The following TTLL5 variants were observed in gnomAD, a reference collection of about 807,000 sequenced individuals.
TTLL5 encodes the protein tubulin polyglutamylase TTLL5.
A neutral mutation model predicts 168.4 loss-of-function variants in TTLL5; 132 were observed. The ratio of observed to expected loss-of-function variants is 0.78; its 90% CI spans 0.68 to 0.91. TTLL5 has a LOEUF of 0.91. Ranked by LOEUF, TTLL5 falls within the 40% of genes least tolerant of loss-of-function variation. The probability of loss-of-function intolerance (pLI) is 0.00; values close to 1 mark genes in which losing one functional copy is unlikely to be tolerated. For missense variants in TTLL5, 1,545 were observed against 1,581.5 expected (o/e 0.98, Z 0.39); for synonymous variants, 546 against 558.6 (o/e 0.98, Z 0.32).
intron 15 of TTLL5, among the ~76,000 whole-genome samples, chr14:75,740,087 G>A (rs1187874325): frequency 6.6e-6 from 1 of 152,118 alleles, no homozygotes; most frequent in Non-Finnish European, 1.5e-5. Context: ...GTTTGTTGAT[G>A]TGTTATATTC....
chr14:75,690,072 A>T, intron 5 of TTLL5, 120 bp from the exon 6 acceptor site: 1 of 1,071,018 alleles, frequency 9.3e-7, no homozygotes, highest in Admixed American at 2.7e-5. Flanking sequence ...TATGTTTAGG[A>T]TACAATACTA....
At chr14:75,727,316 A>G (rs1038421778) in intron 12 of TTLL5, among the ~76,000 whole-genome samples, 1 of 152,234 alleles carries the variant, frequency 6.6e-6, no homozygotes, top group Non-Finnish European at 1.5e-5. Flanking sequence ...GAATGGGTAA[A>G]TAAATTGTGG....
At chr14:75,913,588 TAAG>T (rs960947288) in intron 31 of TTLL5, among the ~76,000 whole-genome samples, 1 of 152,018 alleles carries the variant, frequency 6.6e-6, no homozygotes, top group Admixed American at 6.6e-5. Context: ...CAAAAAATAA[TAAG>T]GTGACAAATA....
chr14:75,734,192 A>G (rs1888739813), intron 14 of TTLL5, 142 bp downstream of exon 14: 1 of 749,096 alleles, frequency 1.3e-6, no homozygotes, highest in Non-Finnish European at 2.2e-6. Flanking sequence ...TTTCAGGGAA[A>G]TGTTTATATG....
intron 31 of TTLL5, among the ~76,000 whole-genome samples, chr14:75,933,392 G>A (rs2034337787): frequency 1.3e-5 from 2 of 152,220 alleles, no homozygotes; most frequent in South Asian, 2.1e-4. Flanking sequence ...GAACCCTGGA[G>A]GTCAAGGCCG....
intron 9 of TTLL5, among the ~76,000 whole-genome samples, chr14:75,708,351 T>C (rs956645500): frequency 2.0e-5 from 3 of 151,978 alleles, no homozygotes; most frequent in African/African-American, 7.3e-5. Flanking sequence ...GTTCTCTTTT[T>C]GTTAAGGTGC....
intron 30 of TTLL5, among the ~76,000 whole-genome samples, chr14:75,894,703 C>CT (rs1341070959): frequency 5.3e-5 from 8 of 152,160 alleles, no homozygotes; most frequent in Non-Finnish European, 1.2e-4. Context: ...TTTTTAAAAA[C>CT]TTAAGTTATT....
intron 28 of TTLL5, among the ~76,000 whole-genome samples, chr14:75,829,584 CAGAA>C (rs1008606427): frequency 2.1e-5 from 3 of 144,450 alleles, no homozygotes; most frequent in African/African-American, 5.2e-5. Context: ...TCATGTAACA[CAGAA>C]AGCGAGTGAT....
intron 26 of TTLL5, 35 bp from the exon 27 acceptor site, chr14:75,792,881 C>T: frequency 2.7e-6 from 4 of 1,498,508 alleles, no homozygotes; most frequent in Admixed American, 2.0e-5. Flanking sequence ...GCCTTTTTTT[C>T]CTAAATGAGT....
At chr14:75,815,655 A>G (rs948231180) in intron 27 of TTLL5, among the ~76,000 whole-genome samples, 3 of 152,228 alleles carry the variant, frequency 2.0e-5, no homozygotes, top group Non-Finnish European at 2.9e-5. Flanking sequence ...CAATCTCTGT[A>G]TAATCACTGT....
intron 18 of TTLL5, among the ~76,000 whole-genome samples, chr14:75,754,897 A>G (rs991693083): frequency 6.6e-6 from 1 of 152,140 alleles, no homozygotes; most frequent in South Asian, 2.1e-4. Context: ...AAGTTTGTAT[A>G]TTGCCTGCAT....
chr14:75,721,334 A>G (rs1179543086), intron 12 of TTLL5, among the ~76,000 whole-genome samples: 3 of 152,298 alleles, frequency 2.0e-5, no homozygotes, highest in East Asian at 3.9e-4. Context: ...GAGGGTGCCT[A>G]TGGACATTGC....
intron 23 of TTLL5, among the ~76,000 whole-genome samples, chr14:75,777,190 A>C (rs752325345): frequency 6.6e-6 from 1 of 152,198 alleles, no homozygotes; most frequent in Non-Finnish European, 1.5e-5. Context: ...AGTTATCAAA[A>C]CATTACTGCT....
intron 1 of TTLL5, among the ~76,000 whole-genome samples, chr14:75,661,868 G>T (rs1890751370): frequency 3.4e-5 from 5 of 147,812 alleles, no homozygotes; most frequent in Admixed American, 3.4e-4. Context: ...ATCGGGGTCT[G>T]TTTTTTTTTT....
At position 75,954,616 on chromosome 14, in the gene TTLL5, A is replaced by C. The variant is rs183534458; in HGVS notation, c.*170A>C. ...TAGATGGTTGCCAATCAGCCAATGCAGACTTTCACTGGGACAACAAGAAAG... is the reference window on the plus strand; with the variant it reads ...TAGATGGTTGCCAATCAGCCAATGCCGACTTTCACTGGGACAACAAGAAAG... On this transcript the variant is annotated 3_prime_UTR_variant, in exon 32 of 32. Transcript: ENST00000298832. The C allele has an allele frequency of 1.5e-6, 1 of 662,550 alleles. No homozygotes were observed. The highest frequency in any genetic ancestry group is 2.7e-5 in the East Asian group (1 of 37,616). The allele number at this position is 662,550 out of a possible 1,614,324, so 41.0% of individuals were successfully genotyped here.
At position 75,670,275 on chromosome 14, in the gene TTLL5, T is replaced by A. The variant is rs146573981; in HGVS notation, c.181+753T>A. Among the ~76,000 whole-genome samples the A allele has an allele frequency of 8.5e-5, 13 of 152,318 alleles. No individual in the cohort carries two copies. The East Asian group carries it at 2.5e-3, about 29-fold the overall frequency. The stretch of plus-strand genomic sequence containing the variant: ...ATACAGGATCTCACTGTGTTGCCTA[T>A]GTTGGTCTCAAACTCCTGGCCTTAA... On this transcript the variant is annotated intron_variant, in intron 3 of 31. Transcript: ENST00000298832.
In TTLL5 at chr14:75,915,919, G is replaced by A. The variant is rs1328933595; in HGVS notation, c.3823+13695G>A. Among the ~76,000 whole-genome samples the A allele has an allele frequency of 2.6e-5, 4 of 152,134 alleles. No individual in the cohort carries two copies. The South Asian group carries it at 8.3e-4, about 32-fold the overall frequency. ...AAGGCAAGAGGATCACTGGAGGCCA[G>A]AAGTTCAAGACCAACCTGGGCAACA... On this transcript the variant is annotated intron_variant, in intron 31 of 31. Transcript: ENST00000298832.
intron 29 of TTLL5, among the ~76,000 whole-genome samples, chr14:75,874,933 C>CCTTTTT (rs778792332): frequency 0.036 from 3,522 of 97,382 alleles, 329 homozygotes; most frequent in Non-Finnish European, 0.044. Flanking sequence ...CACTGGGGGC[C>CCTTTTT]TTTTTTTTTT....
At chr14:75,881,371 C>G (rs974506268) in intron 29 of TTLL5, among the ~76,000 whole-genome samples, 3 of 152,156 alleles carry the variant, frequency 2.0e-5, no homozygotes, top group African/African-American at 7.2e-5. Flanking sequence ...TGTTCTTTGT[C>G]AAGCATCTCA....
Sources: allele counts gnomAD v4.1 joint callset (sites outside exome capture counted in the v4.1 genomes callset), GRCh38; gene constraint gnomAD v4.1.1; transcripts MANE v1.5; gene names NCBI Gene and HGNC (gene_info 2026-07-23, HGNC 2026-07-21).